The following FAM117B variants were observed in gnomAD, a reference collection of about 807,000 sequenced individuals.
FAM117B encodes the protein family with sequence similarity 117 member B.
Under a neutral mutation model 52.8 loss-of-function variants are expected in FAM117B, and 22 were observed. The ratio of observed to expected loss-of-function variants is 0.42; its 90% CI spans 0.30 to 0.59. The LOEUF is 0.59. Ranked by LOEUF, FAM117B falls within the 20% of genes least tolerant of loss-of-function variation. The pLI, the probability that FAM117B is intolerant of heterozygous loss-of-function variation, is 0.22. For missense variants in FAM117B, 678 were observed against 802.6 expected (o/e 0.84, Z 1.88); for synonymous variants, 309 against 324.1 (o/e 0.95, Z 0.50).
chr2:202,668,469 A>G (rs977145569), intron 1 of FAM117B, among the ~76,000 whole-genome samples: 5 of 140,704 alleles, frequency 3.6e-5, no homozygotes, highest in African/African-American at 1.3e-4. Context: ...TGGAGGTTGC[A>G]GTGAGCTGAG....
At chr2:202,703,468 G>T (rs1690825560) in intron 2 of FAM117B, among the ~76,000 whole-genome samples, 1 of 152,210 alleles carries the variant, frequency 6.6e-6, no homozygotes, top group East Asian at 1.9e-4. Context: ...TGCCTCCCCT[G>T]CCCAGCCTCC....
chr2:202,671,228 GTTTGGTTCCAAATAGTTCAT>G (rs2105765769), intron 1 of FAM117B, among the ~76,000 whole-genome samples: 1 of 152,354 alleles, frequency 6.6e-6, no homozygotes, highest in African/African-American at 2.4e-5. Context: ...ACAAGGATTT[GTTTGGTTCCAAATAGTTCAT>G]TTAAGAATGT....
At chr2:202,685,485 C>G (rs1472127100) in intron 1 of FAM117B, among the ~76,000 whole-genome samples, 1 of 152,104 alleles carries the variant, frequency 6.6e-6, no homozygotes. Context: ...GATGTCAACT[C>G]TCACAATTCC....
rs987133246 is a variant in FAM117B at position 202,757,076 on chromosome 2, C to T, written c.1105-137C>T. On this transcript the variant is annotated intron_variant, in intron 5 of 7. Transcript: ENST00000392238. ...AGACAGGGATGTCACTAACGTGCAACATGAAATCCTAATAAGTAGGAAGGG... is the reference window on the plus strand; with the variant it reads ...AGACAGGGATGTCACTAACGTGCAATATGAAATCCTAATAAGTAGGAAGGG... The T allele has an allele frequency of 3.4e-6, 3 of 884,716 alleles. No homozygotes were observed. The African/African-American group carries it at 5.1e-5, about 15-fold the overall frequency. 54.8% of individuals were successfully genotyped at this position (884,716 alleles called of 1,614,324 possible).
At chr2:202,725,298 T>TA in intron 3 of FAM117B, 1 of 154,882 alleles carries the variant, frequency 6.5e-6, no homozygotes, top group Non-Finnish European at 1.2e-5. Context: ...TCACATTTAT[T>TA]CTTTTTTTTT....
At chr2:202,683,785 A>G (rs1018854093) in intron 1 of FAM117B, among the ~76,000 whole-genome samples, 1 of 152,230 alleles carries the variant, frequency 6.6e-6, no homozygotes, top group Non-Finnish European at 1.5e-5. Flanking sequence ...AGAAGAGATA[A>G]TACCGTAACT....
intron 4 of FAM117B, 127 bp from the exon 5 acceptor site, chr2:202,755,411 C>T (rs747787772): frequency 2.6e-6 from 3 of 1,159,804 alleles, no homozygotes; most frequent in Non-Finnish European, 3.7e-6. Context: ...TTTGGTCACT[C>T]ACACTTTTTG....
At position 202,635,612 on chromosome 2, in the gene FAM117B, CGCCGCCGCCGCTGCTGGGCACCGT is replaced by C. The variant is rs1689670032; in HGVS notation, c.427_450del (p.Pro143_Val150del). 1 of 1,288,186 alleles carries C rather than the reference CGCCGCCGCCGCTGCTGGGCACCGT, an allele frequency of 7.8e-7. No homozygotes were observed. The highest frequency in any genetic ancestry group is 9.8e-7 in the Non-Finnish European group (1 of 1,023,512). The allele number at this position is 1,288,186 out of a possible 1,614,324, so 79.8% of individuals were successfully genotyped here. ...CGCGGGAGCCCCCCACGGCCGCCGC[CGCCGCCGCCGCTGCTGGGCACCGT>C]GTCGTCGCCCAGCTCGTCGCCCACC... is the stretch of plus-strand genomic sequence containing the variant. On this transcript the variant is annotated inframe_deletion, in exon 1 of 8. Transcript: ENST00000392238.
intron 4 of FAM117B, among the ~76,000 whole-genome samples, chr2:202,745,140 C>T (rs751677560): frequency 5.3e-5 from 8 of 151,520 alleles, no homozygotes; most frequent in African/African-American, 9.7e-5. Flanking sequence ...ATTAACTGGG[C>T]GTGGTGGTGC....
At position 202,768,351 on chromosome 2, in the gene FAM117B, A is replaced by C. The variant is rs943355983; in HGVS notation, c.*2587A>C. ...AAGTTTCAGAATTATTTACAGTCTT[A>C]TACATAGAACTTCTAGTGTAATGTT... On this transcript the variant is annotated 3_prime_UTR_variant, in exon 8 of 8. Transcript: ENST00000392238. 2 of 152,288 alleles carry C rather than the reference A, an allele frequency of 1.3e-5. No individual in the cohort carries two copies. Among genetic ancestry groups the C allele is most frequent in the Non-Finnish European group, 1.5e-5 (1 of 68,044 alleles). The allele number at this position is 152,288 out of a possible 1,614,324, so 9.4% of individuals were successfully genotyped here.
chr2:202,762,105 C>T (rs946041868), intron 7 of FAM117B, among the ~76,000 whole-genome samples: 7 of 152,170 alleles, frequency 4.6e-5, no homozygotes, highest in East Asian at 3.9e-4. Context: ...CAATAACCAC[C>T]GTGCACACCA....
intron 2 of FAM117B, among the ~76,000 whole-genome samples, chr2:202,719,409 T>A (rs781721742): frequency 1.4e-4 from 21 of 152,152 alleles, no homozygotes; most frequent in Non-Finnish European, 2.9e-4. Flanking sequence ...TTGAGAAAAA[T>A]CTTAAGTTTA....
chr2:202,735,705 G>A (rs1018200556), intron 4 of FAM117B, among the ~76,000 whole-genome samples: 5 of 152,190 alleles, frequency 3.3e-5, no homozygotes, highest in Non-Finnish European at 7.3e-5. Flanking sequence ...TAACAAGAGT[G>A]GGAGATGCCA....
intron 4 of FAM117B, among the ~76,000 whole-genome samples, chr2:202,731,151 C>T (rs537543810): frequency 4.4e-4 from 67 of 151,600 alleles, no homozygotes; most frequent in Admixed American, 2.0e-3. Flanking sequence ...AGGATCTGAA[C>T]AGAGAGTTCT....
intron 4 of FAM117B, among the ~76,000 whole-genome samples, chr2:202,754,262 A>C (rs1006155038): frequency 6.6e-6 from 1 of 152,190 alleles, no homozygotes. Flanking sequence ...ATCCTTAGCA[A>C]ACTAACACAA....
chr2:202,697,098 C>T (rs1016991148), intron 2 of FAM117B, among the ~76,000 whole-genome samples: 3 of 152,046 alleles, frequency 2.0e-5, no homozygotes, highest in African/African-American at 7.2e-5. Flanking sequence ...AAGAAGAAAT[C>T]ATTCAGGTCT....
At chr2:202,756,287 T>C (rs992227381) in intron 5 of FAM117B, among the ~76,000 whole-genome samples, 4 of 151,728 alleles carry the variant, frequency 2.6e-5, no homozygotes, top group Non-Finnish European at 5.9e-5. Context: ...GGCATGGTGG[T>C]GCGTGCCTGT....
At chr2:202,707,031 T>G (rs1441721011) in intron 2 of FAM117B, among the ~76,000 whole-genome samples, 1 of 152,056 alleles carries the variant, frequency 6.6e-6, no homozygotes, top group Non-Finnish European at 1.5e-5. Flanking sequence ...CACCATACAT[T>G]GTTTTTTGTT....
At chr2:202,706,826 A>G (rs920279784) in intron 2 of FAM117B, among the ~76,000 whole-genome samples, 2 of 152,208 alleles carry the variant, frequency 1.3e-5, no homozygotes, top group Non-Finnish European at 2.9e-5. Context: ...AGTAAAAGAA[A>G]TGTTAAAATC....
Sources: gnomAD v4.1 joint callset for allele counts (sites outside exome capture counted in the v4.1 genomes callset) on GRCh38, gnomAD v4.1.1 for gene constraint, MANE v1.5 for transcripts, NCBI Gene and HGNC (gene_info 2026-07-23, HGNC 2026-07-21) for gene names.